The following OLFML2B variants were observed in gnomAD, a reference collection of about 807,000 sequenced individuals.
OLFML2B encodes olfactomedin-like protein 2B.
A neutral mutation model predicts 74.9 loss-of-function variants in OLFML2B; 57 were observed. The ratio of observed to expected loss-of-function variants is 0.76; its 90% confidence interval spans 0.61 to 0.95. The LOEUF (loss-of-function observed/expected upper bound fraction) is 0.95, where lower values mean the gene tolerates loss of function less well. OLFML2B is among the 40% of genes least tolerant of loss of function. The pLI is 0.00. For missense variants in OLFML2B, 986 were observed against 970.6 expected (o/e 1.02, Z -0.21); for synonymous variants, 388 against 405.8 (o/e 0.96, Z 0.53).
chr1:162,007,302 C>T (rs1249861967), intron 3 of OLFML2B, among the ~76,000 whole-genome samples: 7 of 152,134 alleles, frequency 4.6e-5, no homozygotes, highest in African/African-American at 1.7e-4. Flanking sequence ...TCTGTAAATA[C>T]CAAATGTGAG....
intron 3 of OLFML2B, among the ~76,000 whole-genome samples, chr1:162,009,300 T>A (rs7534852): frequency 0.99 from 150,430 of 152,306 alleles, 74,308 homozygotes; most frequent in Middle Eastern, 1. Flanking sequence ...GCGGCCCAGC[T>A]CTGGCCCTAG....
At position 161,983,709 on chromosome 1, in the gene OLFML2B, T is replaced by A. The variant is rs772901752; in HGVS notation, c.2219A>T (p.His740Leu). 1 of 1,612,054 alleles carries A rather than the reference T, an allele frequency of 6.2e-7. No individual in the cohort carries two copies. Among genetic ancestry groups the A allele is most frequent in the Admixed American group, 1.7e-5 (1 of 59,982 alleles). The part of the protein sequence containing the change: ...DRLLYAWDNG[H>L]QVTYHVIFAY ...AAAGATGACATGGTAAGTGACCTGG[T>A]GGCCATTGTCCCAGGCATAGAGCAG... is the stretch of plus-strand genomic sequence containing the variant. Residue 740 changes from histidine (H) to leucine (L), a missense_variant, in exon 8 of 8, where the codon CAC becomes CTC. Transcript: ENST00000294794.
intron 3 of OLFML2B, among the ~76,000 whole-genome samples, chr1:162,007,797 A>G (rs1356405896): frequency 6.6e-6 from 1 of 152,142 alleles, no homozygotes; most frequent in Non-Finnish European, 1.5e-5. Context: ...GAGAAGCCCC[A>G]TAGGTGCTTG....
At chr1:161,997,650 T>C (rs569903257) in intron 6 of OLFML2B, among the ~76,000 whole-genome samples, 175 bp downstream of exon 6, 11 of 152,338 alleles carry the variant, frequency 7.2e-5, no homozygotes, top group African/African-American at 2.4e-4. Context: ...TGGCACATTT[T>C]CAATAAATAA....
intron 3 of OLFML2B, among the ~76,000 whole-genome samples, chr1:162,013,849 A>G (rs1034434219): frequency 6.6e-6 from 1 of 151,888 alleles, no homozygotes; most frequent in Non-Finnish European, 1.5e-5. Context: ...CAAAAACAAC[A>G]TAGGTAAATA....
At chr1:162,000,945 G>C (rs574846280) in intron 4 of OLFML2B, among the ~76,000 whole-genome samples, 2 of 152,262 alleles carry the variant, frequency 1.3e-5, no homozygotes, top group African/African-American at 4.8e-5. Flanking sequence ...AACTGATCTT[G>C]ATCTAGCTCA....
At chr1:162,021,779 C>G (rs531972301) in intron 1 of OLFML2B, among the ~76,000 whole-genome samples, 121 of 152,292 alleles carry the variant, frequency 7.9e-4, no homozygotes, top group Non-Finnish European at 1.6e-3. Context: ...CTACATAACC[C>G]TGCTCTGAGA....
chr1:162,000,075 A>C (rs1571295829), intron 5 of OLFML2B, 38 bp downstream of exon 5: 1 of 1,504,872 alleles, frequency 6.6e-7, no homozygotes, highest in Non-Finnish European at 9.1e-7. Context: ...CTTCCTCCCT[A>C]CCCTGCCTCT....
chr1:162,006,612 A>G, intron 3 of OLFML2B, 139 bp from the exon 4 acceptor site: 3 of 671,960 alleles, frequency 4.5e-6, no homozygotes, highest in Admixed American at 3.3e-5. Flanking sequence ...GGGGCTAGAG[A>G]GTGTGCCCAG....
Position 162,000,176 on chromosome 1 carries a change from T to C in OLFML2B, c.886A>G (p.Ile296Val), listed in dbSNP as rs1284458883. 1 of 1,613,420 alleles carries C rather than the reference T, an allele frequency of 6.2e-7. No individual in the cohort carries two copies. The highest frequency in any genetic ancestry group is 8.5e-7 in the Non-Finnish European group (1 of 1,179,592). Reference protein sequence around the residue: ...RGRPASQPTVIRGITYYKAKV... With the variant: ...RGRPASQPTVVRGITYYKAKV... ...GCTTTATAGTAGGTGATGCCCCGGATGACAGTGGGCTGGGAGGCCGGCCGG... is the reference window on the plus strand; with the variant it reads ...GCTTTATAGTAGGTGATGCCCCGGACGACAGTGGGCTGGGAGGCCGGCCGG... Residue 296 changes from isoleucine to valine, a missense_variant, in exon 5 of 8, where the codon ATC becomes GTC. By Grantham distance (29) the Ile-to-Val change is conservative (BLOSUM62 3). Transcript: ENST00000294794.
chr1:162,007,354 G>A (rs897653863), intron 3 of OLFML2B, among the ~76,000 whole-genome samples: 1 of 152,196 alleles, frequency 6.6e-6, no homozygotes, highest in Non-Finnish European at 1.5e-5. Context: ...AGGCGTCCCA[G>A]GTAGCTTCCT....
At chr1:161,989,051 A>G (rs984750059) in intron 6 of OLFML2B, among the ~76,000 whole-genome samples, 1 of 152,088 alleles carries the variant, frequency 6.6e-6, no homozygotes, top group African/African-American at 2.4e-5. Flanking sequence ...CTCCACCTCT[A>G]TGGCGTAGTT....
intron 5 of OLFML2B, among the ~76,000 whole-genome samples, chr1:161,999,083 A>G (rs938916575): frequency 6.6e-6 from 1 of 152,200 alleles, no homozygotes; most frequent in African/African-American, 2.4e-5. Flanking sequence ...CTGGGCATGC[A>G]TGACTTAGAG....
At chr1:162,001,533 T>A (rs560720179) in intron 4 of OLFML2B, among the ~76,000 whole-genome samples, 1 of 152,226 alleles carries the variant, frequency 6.6e-6, no homozygotes, top group Non-Finnish European at 1.5e-5. Context: ...TTGGAGCTGA[T>A]CATGCCAGCC....
rs184658691 is a variant in OLFML2B, at chr1:161,988,722, C to A, written c.1475-3742G>T. Among the ~76,000 whole-genome samples, 4 of 152,128 alleles carry A rather than the reference C, an allele frequency of 2.6e-5. No individual in the cohort carries two copies. In the East Asian group the frequency reaches 7.7e-4, roughly 29 times the overall value. ...CACCCTCTGGAGTTCCACCTTCAGC[C>A]TCCTCCCTCCTCATTCTTCCTGCAG... On this transcript the variant is annotated intron_variant, in intron 6 of 7. Coordinates refer to ENST00000294794, the MANE Select transcript of OLFML2B (RefSeq NM_015441.3).
chr1:161,998,952 A>G (rs1300439955), intron 5 of OLFML2B, among the ~76,000 whole-genome samples: 1 of 152,188 alleles, frequency 6.6e-6, no homozygotes, highest in African/African-American at 2.4e-5. Context: ...GGGCACAAAG[A>G]TTCCATGGGT....
intron 3 of OLFML2B, among the ~76,000 whole-genome samples, chr1:162,009,171 C>T (rs1690309627): frequency 6.6e-6 from 1 of 152,174 alleles, no homozygotes; most frequent in African/African-American, 2.4e-5. Flanking sequence ...AAGAAAATAT[C>T]AACTAGTGAA....
intron 6 of OLFML2B, among the ~76,000 whole-genome samples, chr1:161,993,087 CAGAG>C (rs1171883068): frequency 6.6e-6 from 1 of 152,098 alleles, no homozygotes; most frequent in African/African-American, 2.4e-5. Flanking sequence ...GAGAGAGAGA[CAGAG>C]AGAGAGGCAC....
chr1:162,021,819 G>A (rs145090964), intron 1 of OLFML2B, among the ~76,000 whole-genome samples: 159 of 151,638 alleles, frequency 1.0e-3, no homozygotes, highest in African/African-American at 3.6e-3. Context: ...CTTACAGGAG[G>A]CTCGGGTTTC....
Sources: gnomAD v4.1 joint callset for allele counts (sites outside exome capture counted in the v4.1 genomes callset) on GRCh38, gnomAD v4.1.1 for gene constraint, MANE v1.5 for transcripts, NCBI Gene and HGNC (gene_info 2026-07-23, HGNC 2026-07-21) for gene names.